TENM3: variants seen among roughly 807,000 people sequenced by gnomAD.
The protein encoded by TENM3 is teneurin transmembrane protein 3.
A neutral mutation model predicts 255.1 loss-of-function variants in TENM3; 63 were observed. The ratio of observed to expected loss-of-function variants is 0.25; its 90% CI spans 0.20 to 0.30. TENM3 has a LOEUF of 0.30. Ranked by LOEUF, TENM3 falls within the 10% of genes least tolerant of loss-of-function variation. The pLI is 1.00. For synonymous variants in TENM3, 1,306 were observed against 1,322.3 expected (o/e 0.99, Z 0.27); for missense variants, 2,929 against 3,461.1 (o/e 0.85, Z 3.86).
chr4:181,819,103 A>G, the TENM3 span, among the ~76,000 whole-genome samples: 3 of 152,026 alleles, frequency 2.0e-5, no homozygotes, highest in South Asian at 2.1e-4. Flanking sequence ...TCTGACACCA[A>G]TTACCTCCCT....
chr4:181,514,668 G>T, the TENM3 span, among the ~76,000 whole-genome samples: 1 of 152,184 alleles, frequency 6.6e-6, no homozygotes, highest in Non-Finnish European at 1.5e-5. Flanking sequence ...GCAGCTGTTT[G>T]TGACTCCTCA....
intron 5 of TENM3, among the ~76,000 whole-genome samples, chr4:182,641,964 T>C (rs188615335): frequency 7.9e-5 from 12 of 152,340 alleles, no homozygotes; most frequent in South Asian, 4.1e-4. Flanking sequence ...TAATGAATCA[T>C]CTATTACATA....
chr4:182,729,224 C>G, intron 14 of TENM3, 43 bp downstream of exon 14: 1 of 1,489,406 alleles, frequency 6.7e-7, no homozygotes, highest in East Asian at 2.3e-5. Context: ...ATGATGTTAT[C>G]AACAGTTACA....
the TENM3 span, among the ~76,000 whole-genome samples, chr4:181,878,024 G>A: frequency 2.0e-5 from 3 of 152,086 alleles, no homozygotes; most frequent in Non-Finnish European, 4.4e-5. Context: ...AATTTGAAAC[G>A]AGACACCTGA....
At chr4:182,617,738 G>A (rs1036419117) in intron 4 of TENM3, among the ~76,000 whole-genome samples, 4 of 152,052 alleles carry the variant, frequency 2.6e-5, no homozygotes, top group Admixed American at 6.6e-5. Flanking sequence ...ACTTTTTATC[G>A]ATTTACCTAC....
chr4:181,958,008 G>A, the TENM3 span, among the ~76,000 whole-genome samples: 1 of 152,206 alleles, frequency 6.6e-6, no homozygotes, highest in South Asian at 2.1e-4. Flanking sequence ...ATCATATTAT[G>A]AAGTCTTGGA....
intron 6 of TENM3, among the ~76,000 whole-genome samples, chr4:182,671,418 G>A (rs1471784306): frequency 6.6e-6 from 1 of 152,116 alleles, no homozygotes; most frequent in Non-Finnish European, 1.5e-5. Context: ...GTTTATCCCA[G>A]CTCAGAAACC....
chr4:182,238,528 C>T (rs141995142), upstream of TENM3, among the ~76,000 whole-genome samples: 8 of 152,258 alleles, frequency 5.3e-5, no homozygotes, highest in Admixed American at 2.0e-4. Flanking sequence ...CCCTTTTGAT[C>T]GGAATCCTTC....
the TENM3 span, among the ~76,000 whole-genome samples, chr4:181,467,638 G>A: frequency 6.6e-6 from 1 of 152,094 alleles, no homozygotes; most frequent in East Asian, 1.9e-4. Flanking sequence ...GGATGGCAGA[G>A]AAATGAGGAA....
At chr4:182,650,050 GA>G (rs1324429109) in intron 5 of TENM3, among the ~76,000 whole-genome samples, 3 of 149,532 alleles carry the variant, frequency 2.0e-5, no homozygotes, top group East Asian at 4.0e-4. Flanking sequence ...GATTTAAAAC[GA>G]AAAAAAATAA....
chr4:181,801,065 A>G, the TENM3 span, among the ~76,000 whole-genome samples: 1 of 152,188 alleles, frequency 6.6e-6, no homozygotes, highest in Non-Finnish European at 1.5e-5. Context: ...TCAAAGTTAC[A>G]GTGAAGCACA....
the TENM3 span, among the ~76,000 whole-genome samples, chr4:181,920,896 G>C: frequency 1.1e-4 from 17 of 152,136 alleles, no homozygotes; most frequent in Non-Finnish European, 2.2e-4. Flanking sequence ...AATCCGTCTT[G>C]AATTGATTTT....
At chr4:181,808,339 T>C in the TENM3 span, among the ~76,000 whole-genome samples, 1 of 152,158 alleles carries the variant, frequency 6.6e-6, no homozygotes, top group African/African-American at 2.4e-5. Flanking sequence ...AAATAATGGG[T>C]CTCAAATAGG....
chr4:182,345,820 C>G (rs140184834), intron 2 of TENM3, among the ~76,000 whole-genome samples: 34 of 152,208 alleles, frequency 2.2e-4, no homozygotes, highest in Non-Finnish European at 3.7e-4. Context: ...CTGCAGAGTT[C>G]ACAGCCATTT....
At chr4:181,617,265 G>GA in the TENM3 span, among the ~76,000 whole-genome samples, 10 of 152,120 alleles carry the variant, frequency 6.6e-5, no homozygotes, top group Non-Finnish European at 1.2e-4. Context: ...ATTCTGTGGG[G>GA]AAAAAAATAG....
the TENM3 span, among the ~76,000 whole-genome samples, chr4:182,077,074 A>G: frequency 1.3e-5 from 2 of 152,200 alleles, no homozygotes; most frequent in Non-Finnish European, 2.9e-5. Context: ...ACTTCCGAAC[A>G]TCTTCAAGTA....
the TENM3 span, among the ~76,000 whole-genome samples, chr4:181,707,467 T>G: frequency 6.6e-6 from 1 of 152,188 alleles, no homozygotes; most frequent in Admixed American, 6.5e-5. Flanking sequence ...AATCTAGAAT[T>G]ATTGATAACA....
At chr4:182,469,446 G>A (rs943807039) in intron 3 of TENM3, among the ~76,000 whole-genome samples, 9 of 152,156 alleles carry the variant, frequency 5.9e-5, no homozygotes, top group African/African-American at 2.2e-4. Flanking sequence ...CAAGCACGGT[G>A]GCTCATGCTT....
chr4:181,885,798 T>A, the TENM3 span, among the ~76,000 whole-genome samples: 2 of 152,222 alleles, frequency 1.3e-5, no homozygotes, highest in African/African-American at 2.4e-5. Context: ...TATACCTATA[T>A]CTCATAACAT....
Sources: allele counts gnomAD v4.1 joint callset (sites outside exome capture counted in the v4.1 genomes callset), GRCh38; gene constraint gnomAD v4.1.1; transcripts MANE v1.5; gene names NCBI Gene and HGNC (gene_info 2026-07-23, HGNC 2026-07-21).